LIN54: variants seen among roughly 807,000 people sequenced by gnomAD.
LIN54 encodes lin-54 DREAM MuvB core complex component.
LIN54 carries 9 observed loss-of-function variants against 78.7 expected under a neutral mutation model. That is an observed-to-expected ratio of 0.11 (90% confidence interval 0.07 to 0.20). LIN54 has a LOEUF of 0.20. Among genes scored for constraint, LIN54 ranks in the 10% least tolerant of loss-of-function variants. LIN54 has a pLI of 1.00. For missense variants in LIN54, 573 were observed against 889.9 expected (o/e 0.64, Z 4.53); for synonymous variants, 269 against 318.4 (o/e 0.84, Z 1.65).
chr4:82,973,849 A>G (rs1725887374), intron 3 of LIN54, among the ~76,000 whole-genome samples: 1 of 152,250 alleles, frequency 6.6e-6, no homozygotes, highest in Non-Finnish European at 1.5e-5. Flanking sequence ...CTCCTACTGT[A>G]TCACTATAGT....
chr4:83,004,545 A>G (rs1465599011), intron 1 of LIN54, among the ~76,000 whole-genome samples: 3 of 152,122 alleles, frequency 2.0e-5, no homozygotes, highest in Non-Finnish European at 4.4e-5. Flanking sequence ...GCTAGAGTGC[A>G]ATGCCAAGAT....
chr4:82,974,899 T>C (rs1726035163), intron 3 of LIN54, among the ~76,000 whole-genome samples: 1 of 149,450 alleles, frequency 6.7e-6, no homozygotes, highest in Non-Finnish European at 1.5e-5. Context: ...AAAAGTGGGA[T>C]GGTGGCTGCC....
intron 4 of LIN54, among the ~76,000 whole-genome samples, chr4:82,956,481 G>T (rs1724342537): frequency 6.6e-6 from 1 of 152,106 alleles, no homozygotes; most frequent in Admixed American, 6.5e-5. Flanking sequence ...TTCAAGACCA[G>T]CCTGGGGCAA....
At chr4:82,929,271 GATTATA>G (rs557960773) in intron 12 of LIN54, among the ~76,000 whole-genome samples, 12 of 152,096 alleles carry the variant, frequency 7.9e-5, no homozygotes, top group South Asian at 6.2e-4. Context: ...ATGTAATTTT[GATTATA>G]ATTATAATTT....
At chr4:82,967,224 CA>C (rs373152789) in intron 4 of LIN54, among the ~76,000 whole-genome samples, 129 of 107,886 alleles carry the variant, frequency 1.2e-3, no homozygotes, top group Middle Eastern at 5.4e-3. Flanking sequence ...GACTCCATCT[CA>C]AAAAAAAAAA....
chr4:82,949,845 C>CTTTT lies in LIN54; in HGVS notation c.952-3375_952-3372dup, dbSNP rs370091580. ...GTTTAATGCAGTCCATTTATTTTTGCTTTTTTTTTTTTTTTTTCCAGATGG... is the reference window on the plus strand; with the variant it reads ...GTTTAATGCAGTCCATTTATTTTTGCTTTTTTTTTTTTTTTTTTTTTCCAGATGG... On this transcript the variant is annotated intron_variant, in intron 4 of 12. Transcript: ENST00000340417. Among the ~76,000 whole-genome samples the CTTTT allele has an allele frequency of 1.2e-4, 15 of 126,458 alleles. 1 individual carries two copies. Among genetic ancestry groups the CTTTT allele is most frequent in the Non-Finnish European group, 1.9e-4 (12 of 61,656 alleles). The allele number at this position is 126,458 out of a possible 152,430, so 83.0% of individuals were successfully genotyped here.
At chr4:82,947,394 T>TTG (rs57298736) in intron 4 of LIN54, among the ~76,000 whole-genome samples, 13,057 of 124,142 alleles carry the variant, frequency 0.11, 674 homozygotes, top group South Asian at 0.16. Context: ...CCCAGTTAAT[T>TTG]TGTGTGTGTG....
intron 1 of LIN54, among the ~76,000 whole-genome samples, chr4:83,004,976 C>T (rs893103230): frequency 2.3e-4 from 35 of 152,172 alleles, no homozygotes; most frequent in African/African-American, 8.4e-4. Context: ...CTCTCTGCAA[C>T]CTCTGCCTCC....
At chr4:82,954,743 C>T (rs1280977599) in intron 4 of LIN54, among the ~76,000 whole-genome samples, 1 of 152,140 alleles carries the variant, frequency 6.6e-6, no homozygotes, top group Non-Finnish European at 1.5e-5. Context: ...TCTAACAAAG[C>T]ACCAGAAGCA....
intron 4 of LIN54, among the ~76,000 whole-genome samples, chr4:82,949,209 T>C (rs968090516): frequency 6.6e-6 from 1 of 152,194 alleles, no homozygotes; most frequent in African/African-American, 2.4e-5. Context: ...GCCATCCTAA[T>C]GGGTGTGAAG....
chr4:82,946,199 A>C, intron 5 of LIN54, 59 bp downstream of exon 5: 1 of 1,419,792 alleles, frequency 7.0e-7, no homozygotes, highest in South Asian at 1.2e-5. Context: ...AGAAATGGAC[A>C]AATGTTCTTT....
chr4:83,005,881 T>C (rs1729315713), intron 1 of LIN54, among the ~76,000 whole-genome samples: 1 of 152,124 alleles, frequency 6.6e-6, no homozygotes, highest in East Asian at 1.9e-4. Flanking sequence ...GGAAACAAGC[T>C]GGGTGCCCAT....
chr4:83,001,694 A>T (rs1226016760), intron 1 of LIN54, among the ~76,000 whole-genome samples: 1 of 149,462 alleles, frequency 6.7e-6, no homozygotes, highest in Admixed American at 6.7e-5. Flanking sequence ...AAATACAAAA[A>T]AAAATTAGCT....
intron 4 of LIN54, among the ~76,000 whole-genome samples, chr4:82,948,001 A>G (rs2126046862): frequency 6.6e-6 from 1 of 152,344 alleles, no homozygotes; most frequent in South Asian, 2.1e-4. Flanking sequence ...AAAATAATTC[A>G]CATATTATCA....
Position 82,927,984 on chromosome 4 carries a change from G to A in LIN54, c.*118C>T. ...CTTCTCCTTCAGTATTATAATTTCA[G>A]GTCTTTTAAAACAAGGACTGAATTA... is the stretch of plus-strand genomic sequence containing the variant. On this transcript the variant is annotated 3_prime_UTR_variant, in exon 13 of 13. Coordinates refer to ENST00000340417, the MANE Select transcript of LIN54 (RefSeq NM_194282.4). 1.3e-6 allele frequency: 1 copy of A among 780,132 alleles called. No homozygotes were observed. Among genetic ancestry groups the A allele is most frequent in the African/African-American group, 1.7e-5 (1 of 57,496 alleles). 48.3% of individuals were successfully genotyped at this position (780,132 alleles called of 1,614,324 possible). A position where few individuals can be genotyped will look rare whatever the true frequency, so the allele number is the denominator to read the frequency against.
intron 3 of LIN54, among the ~76,000 whole-genome samples, chr4:82,975,110 C>A (rs1410364891): frequency 1.3e-5 from 2 of 152,086 alleles, no homozygotes; most frequent in Non-Finnish European, 2.9e-5. Flanking sequence ...GTAATCCCAG[C>A]ACTTTGGAAG....
chr4:82,991,387 T>G (rs1180095404), intron 1 of LIN54, among the ~76,000 whole-genome samples: 1 of 152,226 alleles, frequency 6.6e-6, no homozygotes, highest in African/African-American at 2.4e-5. Flanking sequence ...CCATGTATCC[T>G]ACAACCTAGC....
At chr4:82,937,371 A>C (rs1722473186) in intron 8 of LIN54, 73 bp from the exon 9 acceptor site, 1 of 900,412 alleles carries the variant, frequency 1.1e-6, no homozygotes, top group Admixed American at 2.7e-5. Flanking sequence ...TGCTACAACT[A>C]ATTTAAAATT....
chr4:82,953,621 T>C (rs1724029175), intron 4 of LIN54, among the ~76,000 whole-genome samples: 1 of 151,420 alleles, frequency 6.6e-6, no homozygotes, highest in Non-Finnish European at 1.5e-5. Context: ...TAAAGAAAAA[T>C]AGATATCCAC....
Sources: gnomAD v4.1 joint callset for allele counts (sites outside exome capture counted in the v4.1 genomes callset) on GRCh38, gnomAD v4.1.1 for gene constraint, MANE v1.5 for transcripts, NCBI Gene and HGNC (gene_info 2026-07-23, HGNC 2026-07-21) for gene names.